BMP6: variants seen among roughly 807,000 people sequenced by gnomAD.
The protein encoded by BMP6 is VG-1-R.
Under a neutral mutation model 54.1 loss-of-function variants are expected in BMP6, and 17 were observed. The observed-to-expected ratio is 0.31, with a 90% confidence interval of 0.22 to 0.47. BMP6 has a LOEUF of 0.47. Ranked by LOEUF, BMP6 falls within the 20% of genes least tolerant of loss-of-function variation. The probability of loss-of-function intolerance (pLI) is 1.00; values close to 1 mark genes in which losing one functional copy is unlikely to be tolerated. For synonymous variants in BMP6, 328 were observed against 291.2 expected, an observed-to-expected ratio of 1.13 and a Z score of -1.28; for missense variants, 720 against 690.4, an observed-to-expected ratio of 1.04 and a Z score of -0.48.
intron 1 of BMP6, among the ~76,000 whole-genome samples, chr6:7,759,121 G>A (rs1338107328): frequency 6.6e-6 from 1 of 152,172 alleles, no homozygotes; most frequent in Admixed American, 6.5e-5. Flanking sequence ...TCTTGCCGCT[G>A]TCTTGGGATT....
intron 1 of BMP6, among the ~76,000 whole-genome samples, chr6:7,735,582 A>T (rs1455855582): frequency 2.0e-5 from 3 of 152,158 alleles, no homozygotes; most frequent in Admixed American, 6.5e-5. Context: ...TTTTTTAGAA[A>T]GAGAGGGTTT....
chr6:7,758,231 C>G (rs1757556247), intron 1 of BMP6, among the ~76,000 whole-genome samples: 1 of 152,242 alleles, frequency 6.6e-6, no homozygotes, highest in Non-Finnish European at 1.5e-5. Flanking sequence ...CGGGCCCCAG[C>G]ATCTTTGTGA....
intron 1 of BMP6, among the ~76,000 whole-genome samples, chr6:7,839,720 G>A (rs1758935723): frequency 6.6e-6 from 1 of 152,224 alleles, no homozygotes; most frequent in Non-Finnish European, 1.5e-5. Context: ...CAGTGGACAT[G>A]TGGGTTGCTT....
intron 1 of BMP6, among the ~76,000 whole-genome samples, chr6:7,836,765 A>G (rs1397631559): frequency 6.6e-6 from 1 of 152,228 alleles, no homozygotes; most frequent in East Asian, 1.9e-4. Context: ...CTGGAGGGTA[A>G]AGTCTTTTGT....
chr6:7,840,002 A>C (rs1163507396), intron 1 of BMP6, among the ~76,000 whole-genome samples: 1 of 152,218 alleles, frequency 6.6e-6, no homozygotes, highest in Non-Finnish European at 1.5e-5. Context: ...ATCTCTATGA[A>C]GTAGGGCTGA....
chr6:7,810,288 G>A (rs986977288), intron 1 of BMP6, among the ~76,000 whole-genome samples: 3 of 152,188 alleles, frequency 2.0e-5, no homozygotes, highest in East Asian at 1.9e-4. Flanking sequence ...AAACAGCTAC[G>A]TAGATAGCAT....
At chr6:7,765,533 G>A (rs1399037654) in intron 1 of BMP6, among the ~76,000 whole-genome samples, 2 of 152,178 alleles carry the variant, frequency 1.3e-5, no homozygotes, top group Non-Finnish European at 2.9e-5. Context: ...ATTAACCAAG[G>A]TACATTTCTC....
chr6:7,799,545 G>A (rs1460677035), intron 1 of BMP6, among the ~76,000 whole-genome samples: 1 of 152,082 alleles, frequency 6.6e-6, no homozygotes, highest in African/African-American at 2.4e-5. Flanking sequence ...AGACAATGAT[G>A]AAATTAAGGT....
intron 2 of BMP6, among the ~76,000 whole-genome samples, chr6:7,855,658 C>T (rs1034723432): frequency 6.8e-6 from 1 of 147,754 alleles, no homozygotes; most frequent in Admixed American, 6.9e-5. Flanking sequence ...ACCTCCCAGG[C>T]TCAAGAGATC....
At chr6:7,768,415 T>C (rs1757725632) in intron 1 of BMP6, among the ~76,000 whole-genome samples, 1 of 152,198 alleles carries the variant, frequency 6.6e-6, no homozygotes, top group African/African-American at 2.4e-5. Context: ...TGGAGGTTTC[T>C]GCTCTGGTAA....
At chr6:7,853,512 A>G (rs1026056878) in intron 2 of BMP6, among the ~76,000 whole-genome samples, 2 of 152,212 alleles carry the variant, frequency 1.3e-5, no homozygotes, top group African/African-American at 4.8e-5. Flanking sequence ...AATGAAGACA[A>G]AAGTTCACCC....
intron 1 of BMP6, among the ~76,000 whole-genome samples, chr6:7,794,197 T>G (rs960145258): frequency 6.6e-6 from 1 of 152,170 alleles, no homozygotes; most frequent in Non-Finnish European, 1.5e-5. Context: ...CTGTCAAACC[T>G]ATTACTTATC....
Position 7,727,814 on chromosome 6 carries a change from C to T in BMP6, c.664+195C>T, listed in dbSNP as rs979169790. Among the ~76,000 whole-genome samples the T allele has an allele frequency of 2.3e-3, 350 of 151,468 alleles. 1 individual carries two copies. Among genetic ancestry groups the T allele is most frequent in the Non-Finnish European group, 1.0e-3 (70 of 67,810 alleles). On this transcript the variant is annotated intron_variant, in intron 1 of 6. Transcript: ENST00000283147. The stretch of plus-strand genomic sequence containing the variant: ...GCGGCACATGCGCTCCCCCGCGCCG[C>T]GGGCAGGGCTGCGCGCCGAGGCCCC...
rs560890823 is a variant in BMP6, at chr6:7,817,736, C to A, written c.665-27404C>A. Among the ~76,000 whole-genome samples, 42 of 152,006 alleles carry A rather than the reference C, an allele frequency of 2.8e-4. 1 individual carries two copies. Among genetic ancestry groups the A allele is most frequent in the African/African-American group, 1.0e-3 (42 of 41,466 alleles). On this transcript the variant is annotated intron_variant, in intron 1 of 6. Coordinates refer to ENST00000283147, the MANE Select transcript of BMP6 (RefSeq NM_001718.6). ...CTTAAAGTATAATTAAAAAAAAAAA[C>A]TGCCTGATGTTTTAAAGCTGAATTG...
intron 1 of BMP6, among the ~76,000 whole-genome samples, chr6:7,813,108 A>AAAAAAAAAAAAT (rs1554122651): frequency 1.4e-4 from 3 of 21,498 alleles, no homozygotes; most frequent in Non-Finnish European, 1.5e-4. Flanking sequence ...AAAAAAAAAA[A>AAAAAAAAAAAAT]ATATATATAT....
intron 4 of BMP6, among the ~76,000 whole-genome samples, chr6:7,865,373 T>TTTTAA (rs1759403428): frequency 6.6e-6 from 1 of 152,210 alleles, no homozygotes; most frequent in African/African-American, 2.4e-5. Context: ...GTCTCACCTA[T>TTTTAA]TTAAAGGCCC....
At chr6:7,845,023 T>C (rs1358877729) in intron 1 of BMP6, 117 bp from the exon 2 acceptor site, 1 of 893,706 alleles carries the variant, frequency 1.1e-6, no homozygotes. Context: ...ATCCCCGTAG[T>C]AAGCCGTGGG....
At chr6:7,764,980 C>A (rs545289652) in intron 1 of BMP6, among the ~76,000 whole-genome samples, 1 of 152,304 alleles carries the variant, frequency 6.6e-6, no homozygotes, top group Non-Finnish European at 1.5e-5. Flanking sequence ...ATACTCTGTG[C>A]AGGTAATTCG....
At position 7,738,548 on chromosome 6, in the gene BMP6, C is replaced by T. The variant is rs540151028; in HGVS notation, c.664+10929C>T. Among the ~76,000 whole-genome samples the T allele has an allele frequency of 2.6e-5, 4 of 151,284 alleles. No individual in the cohort carries two copies. In the South Asian group the frequency reaches 6.2e-4, roughly 24 times the overall value. ...CCTCCCGCTTCTGTGCCACCAGATC[C>T]CTGCATTAAATCCCCTCTGTTGTAA... On this transcript the variant is annotated intron_variant, in intron 1 of 6. Transcript: ENST00000283147.
Sources: gnomAD v4.1 joint callset for allele counts (sites outside exome capture counted in the v4.1 genomes callset) on GRCh38, gnomAD v4.1.1 for gene constraint, MANE v1.5 for transcripts, NCBI Gene and HGNC (gene_info 2026-07-23, HGNC 2026-07-21) for gene names.